MROH1: variants seen among roughly 807,000 people sequenced by gnomAD.
MROH1 encodes maestro heat like repeat family member 1.
MROH1 carries 117 observed loss-of-function variants against 116.5 expected under a neutral mutation model. The ratio of observed to expected loss-of-function variants is 1.00; its 90% CI spans 0.86 to 1.17. The LOEUF is 1.17. Ranked by LOEUF, MROH1 falls within the 50% of genes most tolerant of loss-of-function variation. MROH1 has a pLI of 0.00. For synonymous variants in MROH1, 921 were observed against 583.9 expected (o/e 1.58, Z -8.32); for missense variants, 1,873 against 1,338.5 (o/e 1.40, Z -6.23).
At chr8:144,175,942 A>G (rs1409288730) in intron 4 of MROH1, among the ~76,000 whole-genome samples, 1 of 152,170 alleles carries the variant, frequency 6.6e-6, no homozygotes, top group Non-Finnish European at 1.5e-5. Flanking sequence ...CCAGCTGCTC[A>G]GGAGACTGAG....
intron 35 of MROH1, among the ~76,000 whole-genome samples, chr8:144,256,357 C>T (rs914821576): frequency 7.5e-6 from 1 of 133,900 alleles, no homozygotes; most frequent in African/African-American, 2.9e-5. Flanking sequence ...GGGTGTGCAC[C>T]TTGGCCAGGA....
Position 144,180,237 on chromosome 8 carries a change from G to C in MROH1, c.360G>C (p.Gln120His). Reference sequence around the variant, plus strand: ...GCGTCCTGGTGGCCGTGGGAAGACAGTTCATCAGCAAGGTGATGGAGGAGC... The same window carrying C: ...GCGTCCTGGTGGCCGTGGGAAGACACTTCATCAGCAAGGTGATGGAGGAGC... ...ASGVLVAVGR[Q>H]FISKVMEELL... is the part of the protein sequence containing the mutation. Residue 120 changes from glutamine to histidine, a missense_variant, in exon 6 of 44, where the codon CAG becomes CAC. Coordinates refer to ENST00000326134, the MANE Select transcript of MROH1 (RefSeq NM_032450.3). This position sits in a 1 kb window ranked among gnomAD's most constrained non-coding sequence, Gnocchi z 7.4. The C allele has an allele frequency of 1.2e-6, 2 of 1,613,506 alleles. No individual in the cohort carries two copies. Among genetic ancestry groups the C allele is most frequent in the Non-Finnish European group, 1.7e-6 (2 of 1,179,850 alleles).
intron 12 of MROH1, among the ~76,000 whole-genome samples, chr8:144,210,513 G>A (rs1833869005): frequency 6.6e-6 from 1 of 152,098 alleles, no homozygotes; most frequent in Non-Finnish European, 1.5e-5. Flanking sequence ...GCAACATGAT[G>A]AAACCCCATC....
Position 144,168,737 on chromosome 8 carries a change from G to GTGCCTGAGGGACAGACCATGGTCCC in MROH1, c.168+313_168+337dup, listed in dbSNP as rs1564381979. Among the ~76,000 whole-genome samples the GTGCCTGAGGGACAGACCATGGTCCC allele has an allele frequency of 2.0e-5, 3 of 152,170 alleles. No homozygotes were observed. The East Asian group carries it at 5.8e-4, about 29-fold the overall frequency. ...GCCTAATGGCCGGGCTGTGTGCCTA[G>GTGCCTGAGGGACAGACCATGGTCCC]TGCCTGAGGGACAGACCATGGTCCC... On this transcript the variant is annotated intron_variant, in intron 4 of 43. Transcript: ENST00000326134.
At chr8:144,227,023 C>T (rs1837946449) in intron 14 of MROH1, among the ~76,000 whole-genome samples, 1 of 152,164 alleles carries the variant, frequency 6.6e-6, no homozygotes, top group Admixed American at 6.5e-5. Flanking sequence ...TTTGTTTTTA[C>T]TGCCATTGTA....
At chr8:144,195,201 A>AAAAAAAAAAAAAAAAAAAG (rs1829555889) in intron 10 of MROH1, among the ~76,000 whole-genome samples, 1 of 123,836 alleles carries the variant, frequency 8.1e-6, no homozygotes, top group Non-Finnish European at 1.8e-5. Flanking sequence ...TCTTTAAAAA[A>AAAAAAAAAAAAAAAAAAAG]AAAAAAAAAA....
At chr8:144,179,274 G>A (rs1008998984) in intron 4 of MROH1, among the ~76,000 whole-genome samples, 181 bp from the exon 5 acceptor site, 23 of 152,252 alleles carry the variant, frequency 1.5e-4, no homozygotes, top group African/African-American at 1.9e-4. Flanking sequence ...GAGATGGGCC[G>A]TGAGTGTGAG....
At position 144,180,155 on chromosome 8, in the gene MROH1, A is replaced by G. The variant is rs182172999; in HGVS notation, c.301-23A>G. 2.3e-4 allele frequency: 372 copies of G among 1,613,076 alleles called. 5 individuals carry two copies. The East Asian group carries it at 7.2e-3, about 31-fold the overall frequency. On this transcript the variant is annotated intron_variant, in intron 5 of 43. Transcript: ENST00000326134. The surrounding 1 kb of genome is among the most constrained non-coding windows in gnomAD (Gnocchi z 7.4). The stretch of plus-strand genomic sequence containing the variant: ...ATGTCTTGGTCTTGCCTTTTGGTCT[A>G]CCTGCCGGTGTTTTGGGTTCAGGAC...
chr8:144,219,847 G>A (rs1836326426), intron 12 of MROH1, among the ~76,000 whole-genome samples: 1 of 152,188 alleles, frequency 6.6e-6, no homozygotes, highest in Non-Finnish European at 1.5e-5. Context: ...TGGGGTGTAT[G>A]AGCAGCTTTA....
chr8:144,246,090 CT>C (rs1841873236), intron 29 of MROH1, among the ~76,000 whole-genome samples: 1 of 127,472 alleles, frequency 7.8e-6, no homozygotes, highest in African/African-American at 3.0e-5. Context: ...CCTTTCCTTC[CT>C]TTCCTTCCTT....
Position 144,242,421 on chromosome 8 carries a change from A to T in MROH1, c.2231A>T (p.Tyr744Phe). 1.3e-6 allele frequency: 1 copy of T among 780,688 alleles called. No individual in the cohort carries two copies. Among genetic ancestry groups the T allele is most frequent in the Non-Finnish European group, 2.4e-6 (1 of 417,820 alleles). 48.4% of individuals were successfully genotyped at this position (780,688 alleles called of 1,614,324 possible). ...GTGAAGAGTGCTCTGATCCTGTGCT[A>T]TGGGCACGTGGCGGCCCGGGCCCCC... Reference protein sequence around the residue: ...EKVKSALILCYGHVAARAPRE... With the variant: ...EKVKSALILCFGHVAARAPRE... The change falls in exon 23 of 44, where the codon TAT becomes TTT. Residue 744 changes from tyrosine to phenylalanine, a missense_variant. Physicochemically the swap from Tyr to Phe is conservative, Grantham distance 22 (BLOSUM62 3). Transcript: ENST00000326134.
intron 14 of MROH1, among the ~76,000 whole-genome samples, chr8:144,228,582 G>A (rs1041684475): frequency 6.6e-6 from 1 of 152,238 alleles, no homozygotes. Flanking sequence ...CCCTGCCTCA[G>A]CCTCCCAAGT....
Position 144,242,456 on chromosome 8 carries a change from G to A in MROH1, c.2266G>A (p.Val756Met), listed in dbSNP as rs1028718967. The part of the protein sequence containing the change: ...HVAARAPREL[V>M]LAKVESDILR... ...GGCGGCCCGGGCCCCCCGGGAGCTG[G>A]TGCTGGCCAAGGTAGAGTCAGACAT... The change falls in exon 23 of 44, where the codon GTG becomes ATG. Residue 756 changes from valine (V) to methionine (M), a missense_variant. Transcript: ENST00000326134. 20 of 780,578 alleles carry A rather than the reference G, an allele frequency of 2.6e-5. No homozygotes were observed. Among genetic ancestry groups the A allele is most frequent in the Non-Finnish European group, 4.1e-5 (17 of 417,834 alleles). The allele number at this position is 780,578 out of a possible 1,614,324, so 48.4% of individuals were successfully genotyped here. A position where few individuals can be genotyped will look rare whatever the true frequency, so the allele number is the denominator to read the frequency against.
chr8:144,190,069 C>G (rs1428185795), intron 7 of MROH1, among the ~76,000 whole-genome samples: 1 of 152,236 alleles, frequency 6.6e-6, no homozygotes, highest in Non-Finnish European at 1.5e-5. Flanking sequence ...TCCCCAGCTT[C>G]TGGTGGGGCC....
chr8:144,222,979 A>C, intron 13 of MROH1, 129 bp from the exon 14 acceptor site: 1 of 1,304,214 alleles, frequency 7.7e-7, no homozygotes, highest in Non-Finnish European at 1.1e-6. Context: ...TACAGGTGTC[A>C]GTGTAACTGC....
At chr8:144,245,020 C>T in intron 28 of MROH1, 136 bp from the exon 29 acceptor site, 1 of 711,878 alleles carries the variant, frequency 1.4e-6, no homozygotes, top group Non-Finnish European at 2.6e-6. Context: ...TGGCACCACT[C>T]TGGGTCCCCG....
intron 37 of MROH1, 66 bp from the exon 38 acceptor site, chr8:144,259,845 C>T (rs1844661986): frequency 2.8e-6 from 2 of 713,306 alleles, no homozygotes; most frequent in Middle Eastern, 3.2e-4. Context: ...GTGTTCTGGG[C>T]CTGGGCTGGT....
intron 4 of MROH1, 110 bp downstream of exon 4, chr8:144,168,550 A>AG: frequency 7.5e-7 from 1 of 1,338,124 alleles, no homozygotes; most frequent in South Asian, 1.4e-5. Flanking sequence ...GGTGTTACGC[A>AG]GGGGTGGCCA....
intron 20 of MROH1, 53 bp from the exon 21 acceptor site, chr8:144,240,939 G>T (rs1180968528): frequency 2.2e-5 from 16 of 717,366 alleles, no homozygotes; most frequent in Middle Eastern, 3.0e-4. Flanking sequence ...GCAGCGCTGG[G>T]TCTCCCTGTA....
Sources: allele counts gnomAD v4.1 joint callset (sites outside exome capture counted in the v4.1 genomes callset), GRCh38; gene constraint gnomAD v4.1.1; non-coding constraint Gnocchi (gnomAD v3.1); transcripts MANE v1.5; gene names NCBI Gene and HGNC (gene_info 2026-07-23, HGNC 2026-07-21).